CLIP2: variants seen among roughly 807,000 people sequenced by gnomAD.
The protein encoded by CLIP2 is CAP-Gly domain containing linker protein 2, also known as CAP-Gly domain-containing linker protein 2.
In CLIP2, 41 loss-of-function variants were observed where a neutral mutation model predicts 111.7. The observed-to-expected ratio is 0.37, with a 90% confidence interval of 0.29 to 0.48. The LOEUF is 0.48. Ranked by LOEUF, CLIP2 falls within the 20% of genes least tolerant of loss-of-function variation. CLIP2 has a pLI of 0.99. For missense variants in CLIP2, 1,160 were observed against 1,422.1 expected, an observed-to-expected ratio of 0.82 and a Z score of 2.96; for synonymous variants, 660 against 644.2, an observed-to-expected ratio of 1.02 and a Z score of -0.37.
chr7:74,353,553 G>A (rs998693274), intron 3 of CLIP2, among the ~76,000 whole-genome samples: 12 of 152,032 alleles, frequency 7.9e-5, no homozygotes, highest in East Asian at 1.9e-4. Flanking sequence ...GCCCAGCCCC[G>A]AAAACCCTTT....
At chr7:74,370,243 T>C (rs1790577736) in intron 8 of CLIP2, among the ~76,000 whole-genome samples, 1 of 149,646 alleles carries the variant, frequency 6.7e-6, no homozygotes, top group Non-Finnish European at 1.5e-5. Context: ...GATCACGAGG[T>C]CAGGGGATCG....
chr7:74,345,214 G>A (rs554842), intron 3 of CLIP2, among the ~76,000 whole-genome samples: 92,960 of 151,884 alleles, frequency 0.61, 30,374 homozygotes, highest in Middle Eastern at 0.75. Context: ...TACTTGGGGT[G>A]TCAAGAGAAA....
Position 74,392,493 on chromosome 7 carries a change from C to T in CLIP2, c.2720+3234C>T, listed in dbSNP as rs151126504. ...GACTCAGTAAGCCATGATCATACCA[C>T]AGCCTGGGCGACAGAGCAAGACCCT... On this transcript the variant is annotated intron_variant, in intron 13 of 16. Coordinates refer to ENST00000223398, the MANE Select transcript of CLIP2 (RefSeq NM_003388.5). 1.5e-3 allele frequency among the ~76,000 whole-genome samples: 226 copies of T among 152,202 alleles called. 2 individuals carry two copies. The East Asian group carries it at 0.021, about 14-fold the overall frequency.
At chr7:74,297,820 C>CTT (rs1397492395) in intron 1 of CLIP2, among the ~76,000 whole-genome samples, 3 of 148,028 alleles carry the variant, frequency 2.0e-5, no homozygotes, top group Non-Finnish European at 4.5e-5. Context: ...GCATTTTTTT[C>CTT]TTTTTTTTTT....
intron 8 of CLIP2, among the ~76,000 whole-genome samples, chr7:74,368,105 C>T (rs1342918540): frequency 1.3e-5 from 2 of 151,906 alleles, no homozygotes; most frequent in African/African-American, 2.4e-5. Context: ...CCCAGCTACG[C>T]GGGAGGTTGA....
At chr7:74,369,640 C>T (rs553209807) in intron 8 of CLIP2, among the ~76,000 whole-genome samples, 4 of 150,994 alleles carry the variant, frequency 2.6e-5, no homozygotes, top group South Asian at 2.1e-4. Context: ...GCGGATCATT[C>T]GAGGTCAGGA....
At chr7:74,304,881 G>T (rs1393523971) in intron 1 of CLIP2, among the ~76,000 whole-genome samples, 4 of 151,986 alleles carry the variant, frequency 2.6e-5, no homozygotes, top group African/African-American at 9.7e-5. Flanking sequence ...GGAGTTCAAG[G>T]CTACAGTGAG....
chr7:74,327,290 T>C (rs1789140239), intron 2 of CLIP2, among the ~76,000 whole-genome samples: 1 of 151,168 alleles, frequency 6.6e-6, no homozygotes, highest in Non-Finnish European at 1.5e-5. Flanking sequence ...TTTAGTAGAG[T>C]TGGGGTTTCA....
In CLIP2 at chr7:74,389,310, C is replaced by T. The variant is rs782278156; in HGVS notation, c.2720+51C>T. ...GTCCTCCCTGTGGCCCTGGCCCTTG[C>T]TCCTCTTCTTGACATTAGCTCATGT... On this transcript the variant is annotated intron_variant, in intron 13 of 16. Coordinates refer to ENST00000223398, the MANE Select transcript of CLIP2 (RefSeq NM_003388.5). 7.4e-6 allele frequency: 11 copies of T among 1,488,276 alleles called. No individual in the cohort carries two copies. The African/African-American group carries it at 1.6e-4, about 21-fold the overall frequency. The allele number at this position is 1,488,276 out of a possible 1,614,324, so 92.2% of individuals were successfully genotyped here.
At chr7:74,344,513 C>T (rs1654258044) in intron 3 of CLIP2, among the ~76,000 whole-genome samples, 1 of 152,150 alleles carries the variant, frequency 6.6e-6, no homozygotes, top group Non-Finnish European at 1.5e-5. Context: ...TCTCGAGAAT[C>T]TGGGACTACA....
At chr7:74,369,272 G>A (rs1415023338) in intron 8 of CLIP2, among the ~76,000 whole-genome samples, 1 of 152,014 alleles carries the variant, frequency 6.6e-6, no homozygotes, top group Non-Finnish European at 1.5e-5. Context: ...AAGCGCTTGA[G>A]CCAGGGAGGC....
intron 1 of CLIP2, among the ~76,000 whole-genome samples, chr7:74,309,895 A>G (rs1430828244): frequency 2.0e-5 from 3 of 150,970 alleles, no homozygotes; most frequent in South Asian, 2.1e-4. Flanking sequence ...GAAGTATTCT[A>G]TTATATAAAT....
In CLIP2 at chr7:74,317,673, T is replaced by A. The variant is rs1391270957; in HGVS notation, c.121+6T>A. On this transcript the variant is annotated splice_donor_region_variant and intron_variant, in intron 2 of 16. Coordinates refer to ENST00000223398, the MANE Select transcript of CLIP2 (RefSeq NM_003388.5). Reference sequence around the variant, plus strand: ...GGCCGCTAGCTCCAAGGAAGGTACGTGGCACACCAAGGATGGGGGGTGAGG... The same window carrying A: ...GGCCGCTAGCTCCAAGGAAGGTACGAGGCACACCAAGGATGGGGGGTGAGG... The A allele has an allele frequency of 6.9e-7, 1 of 1,450,314 alleles. No individual in the cohort carries two copies. Among genetic ancestry groups the A allele is most frequent in the Non-Finnish European group, 9.1e-7 (1 of 1,095,516 alleles). 89.8% of individuals were successfully genotyped at this position (1,450,314 alleles called of 1,614,324 possible).
chr7:74,312,813 T>C (rs968702491), intron 1 of CLIP2, among the ~76,000 whole-genome samples: 1 of 152,066 alleles, frequency 6.6e-6, no homozygotes, highest in Non-Finnish European at 1.5e-5. Flanking sequence ...GCTGTGTGCC[T>C]GGGGGCAGCT....
chr7:74,361,358 C>T (rs561794655), intron 7 of CLIP2, among the ~76,000 whole-genome samples: 16 of 151,928 alleles, frequency 1.1e-4, no homozygotes, highest in Non-Finnish European at 2.1e-4. Context: ...GCTGGGATTA[C>T]AGGCATGGCC....
At chr7:74,333,736 GC>G (rs1554731694) in intron 2 of CLIP2, among the ~76,000 whole-genome samples, 2 of 152,188 alleles carry the variant, frequency 1.3e-5, no homozygotes, top group Non-Finnish European at 2.9e-5. Flanking sequence ...TCCTGTCTCA[GC>G]CTCCCAAAGT....
Position 74,380,816 on chromosome 7 carries a change from C to T in CLIP2, c.2432C>T (p.Ser811Leu), listed in dbSNP as rs781938749. 6 of 1,607,054 alleles carry T rather than the reference C, an allele frequency of 3.7e-6. No individual in the cohort carries two copies. Among genetic ancestry groups the T allele is most frequent in the African/African-American group, 2.7e-5 (2 of 74,860 alleles). Residue 811 changes from serine to leucine, a missense_variant, in exon 11 of 17, where the codon TCG (serine) becomes TTG (leucine). Around this residue, in one of 5 missense-constraint regions of CLIP2, gnomAD observed 676 missense variants for 777.8 expected, o/e 0.87. Transcript: ENST00000223398. ...GGGCTCTTTTTGCAGATGATTGAGT[C>T]GAATGACATTTCAGAGGAGACGATC... ...CSSQHTHMIE[S>L]NDISEETIRT... is the part of the protein sequence containing the mutation.
At chr7:74,323,920 G>T (rs2116518233) in intron 2 of CLIP2, among the ~76,000 whole-genome samples, 1 of 152,310 alleles carries the variant, frequency 6.6e-6, no homozygotes, top group South Asian at 2.1e-4. Context: ...TTCTCAGATG[G>T]TATCCCCGTC....
At chr7:74,351,388 T>C (rs1554307514) in intron 3 of CLIP2, among the ~76,000 whole-genome samples, 2 of 146,146 alleles carry the variant, frequency 1.4e-5, no homozygotes, top group African/African-American at 5.1e-5. Flanking sequence ...GAGGCCAAGG[T>C]TGTGGTGAGC....
Sources: allele counts gnomAD v4.1 joint callset (sites outside exome capture counted in the v4.1 genomes callset), GRCh38; gene constraint gnomAD v4.1.1; regional missense constraint gnomAD v4.1.1; transcripts MANE v1.5; gene names NCBI Gene and HGNC (gene_info 2026-07-23, HGNC 2026-07-21).